Variants in CCDC13 observed in about 807,000 individuals in gnomAD.
CCDC13 encodes coiled-coil domain-containing protein 13.
CCDC13 carries 70 observed loss-of-function variants against 87.3 expected under a neutral mutation model. The ratio of observed to expected loss-of-function variants is 0.80; its 90% confidence interval spans 0.66 to 0.98. The LOEUF (loss-of-function observed/expected upper bound fraction) is 0.98, where lower values mean the gene tolerates loss of function less well. Ranked by LOEUF, CCDC13 falls within the 50% of genes least tolerant of loss-of-function variation. The pLI is 0.00. For synonymous variants in CCDC13, 317 were observed against 360.3 expected, an observed-to-expected ratio of 0.88 and a Z score of 1.36; for missense variants, 842 against 892.0, an observed-to-expected ratio of 0.94 and a Z score of 0.71.
chr3:42,718,212 A>C (rs1241011493), intron 13 of CCDC13: 1 of 152,220 alleles, frequency 6.6e-6, no homozygotes, highest in Non-Finnish European at 1.5e-5. Flanking sequence ...AACAGGTTAC[A>C]GTAAAAAAGG....
Position 42,742,558 on chromosome 3 carries a change from T to C in CCDC13, c.987+338A>G, listed in dbSNP as rs534400053. Among the ~76,000 whole-genome samples, 202 of 152,160 alleles carry C rather than the reference T, an allele frequency of 1.3e-3. No homozygotes were observed. In the Middle Eastern group the frequency reaches 0.017, roughly 13 times the overall value. On this transcript the variant is annotated intron_variant, in intron 8 of 15. Coordinates refer to ENST00000310232, the MANE Select transcript of CCDC13 (RefSeq NM_144719.4). Reference sequence around the variant, plus strand: ...TACCTCTTTCATCAGCCTGGAACTTTCCCCCTTTAAGCCCCATCTAACCCT... The same window carrying C: ...TACCTCTTTCATCAGCCTGGAACTTCCCCCCTTTAAGCCCCATCTAACCCT...
At chr3:42,724,624 A>C (rs571216006) in intron 13 of CCDC13, among the ~76,000 whole-genome samples, 7 of 152,312 alleles carry the variant, frequency 4.6e-5, no homozygotes, top group African/African-American at 1.7e-4. Flanking sequence ...TAGTTCTCCA[A>C]ACTCATGTTC....
intron 13 of CCDC13, among the ~76,000 whole-genome samples, chr3:42,716,353 G>A (rs192956941): frequency 1.3e-5 from 2 of 152,062 alleles, no homozygotes; most frequent in East Asian, 1.9e-4. Context: ...GAAATAGATG[G>A]CTTCCTATAA....
chr3:42,741,939 G>T (rs1482774730), intron 8 of CCDC13, among the ~76,000 whole-genome samples: 1 of 152,174 alleles, frequency 6.6e-6, no homozygotes, highest in Non-Finnish European at 1.5e-5. Context: ...ACCCAGCGTT[G>T]GTGCTCACAG....
downstream of CCDC13, among the ~76,000 whole-genome samples, chr3:42,705,590 C>T (rs1313722375): frequency 2.0e-5 from 3 of 152,210 alleles, no homozygotes; most frequent in Non-Finnish European, 4.4e-5. Flanking sequence ...CTCAACCCGC[C>T]AGGGCACCTG....
chr3:42,748,095 A>G (rs572538872), intron 5 of CCDC13, among the ~76,000 whole-genome samples: 3 of 151,896 alleles, frequency 2.0e-5, no homozygotes, highest in South Asian at 4.2e-4. Flanking sequence ...TTTTAACCCA[A>G]TGTTTTATTT....
At chr3:42,726,697 CAAAT>C (rs1698696651) in intron 13 of CCDC13, among the ~76,000 whole-genome samples, 1 of 151,166 alleles carries the variant, frequency 6.6e-6, no homozygotes, top group African/African-American at 2.4e-5. Flanking sequence ...TACATACATA[CAAAT>C]ATACACACAT....
Position 42,732,957 on chromosome 3 carries a change from G to C in CCDC13, c.1525C>G (p.Leu509Val). Residue 509 changes from leucine (L) to valine (V), a missense_variant, in exon 12 of 16, where the codon CTG becomes GTG. Physicochemically the swap from Leu to Val is conservative, Grantham distance 32 (BLOSUM62 1). Coordinates refer to ENST00000310232, the MANE Select transcript of CCDC13 (RefSeq NM_144719.4). ...RLGSSRSVTS[L>V]GHTLVESALT... ...GCAGATTCCACCAGTGTGTGGCCCA[G>C]GCTGGTCACAGAGCTGTGTAAAGGC... The C allele has an allele frequency of 6.4e-7, 1 of 1,552,886 alleles. No individual in the cohort carries two copies. Among genetic ancestry groups the C allele is most frequent in the Non-Finnish European group, 8.7e-7 (1 of 1,147,538 alleles).
At chr3:42,758,569 A>C (rs1699761972) in intron 1 of CCDC13, among the ~76,000 whole-genome samples, 2 of 152,222 alleles carry the variant, frequency 1.3e-5, no homozygotes, top group South Asian at 2.1e-4. Flanking sequence ...ACCAGATTGC[A>C]CATGGCATCA....
rs181017560 is a variant in CCDC13 at position 42,755,335 on chromosome 3, G to A, written c.370+1731C>T. Among the ~76,000 whole-genome samples, 800 of 152,278 alleles carry A rather than the reference G, an allele frequency of 5.3e-3. 5 individuals carry two copies. The highest frequency in any genetic ancestry group is 8.1e-3 in the Non-Finnish European group (551 of 68,014). On this transcript the variant is annotated intron_variant, in intron 3 of 15. Transcript: ENST00000310232. ...TTAAAAACATAAATGGAGGCCAGTC[G>A]CGGTGGCTCACACCTGTAATCCCAG...
intron 10 of CCDC13, among the ~76,000 whole-genome samples, chr3:42,734,706 G>A (rs965521359): frequency 1.3e-5 from 2 of 152,202 alleles, no homozygotes; most frequent in Non-Finnish European, 2.9e-5. Flanking sequence ...GCCTTTGGCT[G>A]AGCCAGTCAA....
At chr3:42,717,799 T>A (rs1200204481) in intron 13 of CCDC13, among the ~76,000 whole-genome samples, 1 of 152,202 alleles carries the variant, frequency 6.6e-6, no homozygotes, top group Non-Finnish European at 1.5e-5. Context: ...GGGATCCTTT[T>A]CCAAGCTCAC....
At chr3:42,716,922 T>A (rs1698443649) in intron 13 of CCDC13, among the ~76,000 whole-genome samples, 1 of 152,234 alleles carries the variant, frequency 6.6e-6, no homozygotes, top group Non-Finnish European at 1.5e-5. Flanking sequence ...ACAATCCAAG[T>A]GTCCATCAAC....
At chr3:42,710,636 C>T (rs1261989736) in intron 14 of CCDC13, among the ~76,000 whole-genome samples, 1 of 152,196 alleles carries the variant, frequency 6.6e-6, no homozygotes. Flanking sequence ...AGTTCAAGAC[C>T]AGTCTGGCCA....
intron 15 of CCDC13, 124 bp from the exon 16 acceptor site, chr3:42,709,263 C>A: frequency 1.1e-6 from 1 of 950,662 alleles, no homozygotes; most frequent in Non-Finnish European, 1.5e-6. Context: ...TCCCTCTGAC[C>A]CATCCCCTCC....
chr3:42,743,132 C>T (rs946906827), intron 7 of CCDC13, 75 bp from the exon 8 acceptor site: 23 of 1,544,702 alleles, frequency 1.5e-5, no homozygotes, highest in Non-Finnish European at 1.9e-5. Flanking sequence ...TGATAGGAGA[C>T]CCCACAGACT....
At chr3:42,716,596 A>G (rs1387970399) in intron 13 of CCDC13, among the ~76,000 whole-genome samples, 5 of 152,270 alleles carry the variant, frequency 3.3e-5, no homozygotes, top group Non-Finnish European at 2.9e-5. Context: ...GATGCTCAAC[A>G]TCATTAGCCA....
In CCDC13 at chr3:42,713,147, T is replaced by A. The variant is rs1292406776; in HGVS notation, c.1873+15A>T. The A allele has an allele frequency of 6.2e-7, 1 of 1,612,178 alleles. No homozygotes were observed. The highest frequency in any genetic ancestry group is 1.3e-5 in the African/African-American group (1 of 75,050). On this transcript the variant is annotated intron_variant, in intron 14 of 15. Transcript: ENST00000310232. ...CCTCCACCCCCTGCACTGAGACTAC[T>A]GCCCTGGCCCCTACCTGTTTTGGTC...
chr3:42,766,480 GA>G (rs367687955), intron 1 of CCDC13, among the ~76,000 whole-genome samples: 1 of 151,902 alleles, frequency 6.6e-6, no homozygotes, highest in African/African-American at 2.4e-5. Context: ...TTGCAGCAAA[GA>G]AAGAGTTTGA....
Sources: allele counts gnomAD v4.1 joint callset (sites outside exome capture counted in the v4.1 genomes callset), GRCh38; gene constraint gnomAD v4.1.1; transcripts MANE v1.5; gene names NCBI Gene and HGNC (gene_info 2026-07-23, HGNC 2026-07-21).